CADM2: variants seen among roughly 807,000 people sequenced by gnomAD.
CADM2 encodes immunoglobulin superfamily member 4D.
A neutral mutation model predicts 49.8 loss-of-function variants in CADM2; 12 were observed. That is an observed-to-expected ratio of 0.24 (90% CI 0.15 to 0.39). The LOEUF (loss-of-function observed/expected upper bound fraction) is 0.39. Among genes scored for constraint, CADM2 ranks in the 10% least tolerant of loss-of-function variants. The pLI is 1.00. For synonymous variants in CADM2, 214 were observed against 175.4 expected (o/e 1.22, Z -1.74); for missense variants, 378 against 492.3 (o/e 0.77, Z 2.20).
rs959326077 is a variant in CADM2, at chr3:85,154,862, T to C, written c.61+195194T>C. On this transcript the variant is annotated intron_variant, in intron 1 of 9. Transcript: ENST00000383699. The stretch of plus-strand genomic sequence containing the variant: ...CTAAGCTTCATAAGTGAAGGAGAAA[T>C]AAAATACTTTACAGACAAGCAAATG... Among the ~76,000 whole-genome samples, 40 of 150,316 alleles carry C rather than the reference T, an allele frequency of 2.7e-4. No homozygotes were observed. The East Asian group carries it at 3.1e-3, about 12-fold the overall frequency.
intron 1 of CADM2, among the ~76,000 whole-genome samples, chr3:85,303,544 G>A (rs1479362068): frequency 1.3e-5 from 2 of 151,888 alleles, no homozygotes; most frequent in African/African-American, 4.8e-5. Flanking sequence ...TAAATTGCTT[G>A]TGAAAAATCT....
chr3:85,296,734 G>A lies in CADM2; in HGVS notation c.61+337066G>A, dbSNP rs541553173. On this transcript the variant is annotated intron_variant, in intron 1 of 9. Coordinates refer to ENST00000383699, the MANE Select transcript of CADM2 (RefSeq NM_001167675.2). ...CTAAGATCTAATCAAATTGGATAAG[G>A]GAGTGCTCTTTAAAAAATTACCACG... Among the ~76,000 whole-genome samples the A allele has an allele frequency of 3.3e-5, 5 of 152,040 alleles. No individual in the cohort carries two copies. The East Asian group carries it at 9.7e-4, about 29-fold the overall frequency.
chr3:85,899,082 C>G (rs1485259571), intron 5 of CADM2, among the ~76,000 whole-genome samples: 1 of 147,014 alleles, frequency 6.8e-6, no homozygotes, highest in African/African-American at 2.5e-5. Flanking sequence ...TCTCCTGTCT[C>G]AGCCTCCTGA....
At chr3:85,374,339 A>T (rs780602823) in intron 1 of CADM2, among the ~76,000 whole-genome samples, 1 of 152,158 alleles carries the variant, frequency 6.6e-6, no homozygotes, top group Non-Finnish European at 1.5e-5. Context: ...TTGCCAAAGC[A>T]TAGCAAGAGT....
At chr3:85,220,807 GA>G (rs35283437) in intron 1 of CADM2, among the ~76,000 whole-genome samples, 78,699 of 148,810 alleles carry the variant, frequency 0.53, 20,636 homozygotes, top group Admixed American at 0.6. Context: ...TGGTTGCTTA[GA>G]AAAAAAAAAA....
At chr3:85,862,109 T>A (rs1474519248) in intron 3 of CADM2, among the ~76,000 whole-genome samples, 2 of 152,148 alleles carry the variant, frequency 1.3e-5, no homozygotes, top group East Asian at 3.8e-4. Flanking sequence ...TAAATCACTT[T>A]GATCATAATT....
intron 2 of CADM2, among the ~76,000 whole-genome samples, chr3:85,741,947 A>G (rs936569887): frequency 1.3e-5 from 2 of 152,182 alleles, no homozygotes; most frequent in Non-Finnish European, 2.9e-5. Flanking sequence ...CTCTTTTTTT[A>G]TAGCTTTTAC....
intron 1 of CADM2, among the ~76,000 whole-genome samples, chr3:85,488,609 G>A (rs1337248575): frequency 6.6e-6 from 1 of 152,060 alleles, no homozygotes; most frequent in East Asian, 1.9e-4. Flanking sequence ...TCTGCTCACT[G>A]CAACCTCCGA....
intron 1 of CADM2, among the ~76,000 whole-genome samples, chr3:84,980,116 G>A (rs183110202): frequency 2.7e-4 from 41 of 152,214 alleles, no homozygotes; most frequent in African/African-American, 9.4e-4. Context: ...CCCTCATTAT[G>A]GAGCAAAGCT....
At chr3:85,493,598 A>G (rs1409181174) in intron 1 of CADM2, among the ~76,000 whole-genome samples, 4 of 152,196 alleles carry the variant, frequency 2.6e-5, no homozygotes, top group African/African-American at 7.2e-5. Flanking sequence ...TCCTATTTTT[A>G]AAAAACTTTA....
chr3:85,322,706 G>A (rs1276696788), intron 1 of CADM2, among the ~76,000 whole-genome samples: 1 of 152,016 alleles, frequency 6.6e-6, no homozygotes, highest in East Asian at 1.9e-4. Context: ...TCTTTATAAA[G>A]AAGTCTCTGT....
At chr3:85,172,047 G>A (rs978028470) in intron 1 of CADM2, among the ~76,000 whole-genome samples, 3 of 152,154 alleles carry the variant, frequency 2.0e-5, no homozygotes, top group African/African-American at 7.2e-5. Flanking sequence ...AAAGTTAAAT[G>A]CATTATCCTA....
intron 1 of CADM2, among the ~76,000 whole-genome samples, chr3:85,265,741 T>A (rs1370431072): frequency 6.6e-6 from 1 of 152,028 alleles, no homozygotes; most frequent in African/African-American, 2.4e-5. Context: ...AAGAGACATT[T>A]CAAAATATAA....
chr3:85,449,126 T>C (rs1016187208), intron 1 of CADM2, among the ~76,000 whole-genome samples: 3 of 150,172 alleles, frequency 2.0e-5, no homozygotes, highest in Non-Finnish European at 3.0e-5. Context: ...TCTCCTGGAA[T>C]ATTTGTATAG....
At chr3:85,649,439 C>CA (rs2064981812) in intron 1 of CADM2, among the ~76,000 whole-genome samples, 1 of 151,988 alleles carries the variant, frequency 6.6e-6, no homozygotes, top group Non-Finnish European at 1.5e-5. Flanking sequence ...TTCTGTTTCC[C>CA]AAAAAGTTCT....
chr3:85,840,477 T>TA (rs2074595578), intron 3 of CADM2, among the ~76,000 whole-genome samples: 1 of 151,896 alleles, frequency 6.6e-6, no homozygotes, highest in South Asian at 2.1e-4. Flanking sequence ...TCTGATTATT[T>TA]AAAAAATATT....
intron 5 of CADM2, among the ~76,000 whole-genome samples, chr3:85,907,543 G>T (rs1716960779): frequency 6.6e-6 from 1 of 152,126 alleles, no homozygotes; most frequent in South Asian, 2.1e-4. Flanking sequence ...GGATTAAAAA[G>T]AACTGGCCTA....
At chr3:85,986,118 A>G (rs1344822742) in intron 8 of CADM2, among the ~76,000 whole-genome samples, 1 of 152,056 alleles carries the variant, frequency 6.6e-6, no homozygotes, top group African/African-American at 2.4e-5. Context: ...CTGCCCTTCT[A>G]TTCTCTACAT....
rs911479744 is a variant in CADM2 at position 85,422,452 on chromosome 3, T to C, written c.62-304070T>C. Among the ~76,000 whole-genome samples the C allele has an allele frequency of 2.6e-5, 4 of 152,062 alleles. No homozygotes were observed. In the South Asian group the frequency reaches 6.2e-4, roughly 24 times the overall value. On this transcript the variant is annotated intron_variant, in intron 1 of 9. Coordinates refer to ENST00000383699, the MANE Select transcript of CADM2 (RefSeq NM_001167675.2). ...GCCACCACGCCCGGCTAATTTTTTGTATTTTTAGTAGAGACGGGGTTTCAC... is the reference window on the plus strand; with the variant it reads ...GCCACCACGCCCGGCTAATTTTTTGCATTTTTAGTAGAGACGGGGTTTCAC...
Sources: gnomAD v4.1 joint callset for allele counts (sites outside exome capture counted in the v4.1 genomes callset) on GRCh38, gnomAD v4.1.1 for gene constraint, MANE v1.5 for transcripts, NCBI Gene and HGNC (gene_info 2026-07-23, HGNC 2026-07-21) for gene names.